The following DNAJC15 variants were observed in gnomAD, a reference collection of about 807,000 sequenced individuals.
The protein encoded by DNAJC15 is dnaJ homolog subfamily C member 15.
A neutral mutation model predicts 22.4 loss-of-function variants in DNAJC15; 27 were observed. The ratio of observed to expected loss-of-function variants is 1.20; its 90% CI spans 0.89 to 1.66. The LOEUF (loss-of-function observed/expected upper bound fraction) is 1.66, where lower values mean the gene tolerates loss of function less well. Ranked by LOEUF, DNAJC15 falls within the 40% of genes most tolerant of loss-of-function variation. DNAJC15 has a pLI of 0.00. For missense variants in DNAJC15, 208 were observed against 187.1 expected (o/e 1.11, Z -0.65); for synonymous variants, 79 against 63.2 (o/e 1.25, Z -1.19).
At chr13:43,083,002 G>A (rs2040670104) in intron 4 of DNAJC15, among the ~76,000 whole-genome samples, 1 of 151,776 alleles carries the variant, frequency 6.6e-6, no homozygotes. Context: ...GGTTTTTAAA[G>A]CTCCCCCTTT....
chr13:43,079,943 AACAC>A (rs1369578243), intron 4 of DNAJC15, among the ~76,000 whole-genome samples: 1 of 152,224 alleles, frequency 6.6e-6, no homozygotes, highest in African/African-American at 2.4e-5. Flanking sequence ...ATACCAGTTT[AACAC>A]CTATTAAATG....
At chr13:43,047,513 A>G (rs1290915311) in intron 1 of DNAJC15, among the ~76,000 whole-genome samples, 1 of 152,094 alleles carries the variant, frequency 6.6e-6, no homozygotes, top group African/African-American at 2.4e-5. Context: ...ACCAACATGG[A>G]ATGTCTGTGA....
At chr13:43,051,166 T>A (rs1204974250) in intron 1 of DNAJC15, among the ~76,000 whole-genome samples, 2 of 152,020 alleles carry the variant, frequency 1.3e-5, no homozygotes, top group Non-Finnish European at 2.9e-5. Flanking sequence ...GTATAAGCGA[T>A]GGGGTTTCAC....
At chr13:43,064,447 A>T (rs1227363147) in intron 1 of DNAJC15, among the ~76,000 whole-genome samples, 2 of 152,150 alleles carry the variant, frequency 1.3e-5, no homozygotes, top group Non-Finnish European at 2.9e-5. Flanking sequence ...GAAGAAGTCT[A>T]TTCATTCTGT....
In DNAJC15 at chr13:43,110,389, T is replaced by G. The variant is rs1005810272; in HGVS notation, c.*3141T>G. On this transcript the variant is annotated 3_prime_UTR_variant, in exon 6 of 6. Coordinates refer to ENST00000379221, the MANE Select transcript of DNAJC15 (RefSeq NM_013238.3). ...TAAGAATTACAGAGCCTGCCTCGAT[T>G]CAAAGGGAGAGGATAGAGAGGACTG... The G allele has an allele frequency of 1.3e-5, 2 of 152,196 alleles. No individual in the cohort carries two copies. The highest frequency in any genetic ancestry group is 4.8e-5 in the African/African-American group (2 of 41,432). 9.4% of individuals were successfully genotyped at this position (152,196 alleles called of 1,614,324 possible). A position where few individuals can be genotyped will look rare whatever the true frequency, so the allele number is the denominator to read the frequency against.
rs775309502 is a variant in DNAJC15 at position 43,078,628 on chromosome 13, A to G, written c.251A>G (p.Tyr84Cys). The G allele has an allele frequency of 1.7e-5, 27 of 1,613,396 alleles. No individual in the cohort carries two copies. Among genetic ancestry groups the G allele is most frequent in the Admixed American group, 5.0e-5 (3 of 60,000 alleles). ...CCTATACAGAGCTTTTCATCCTACT[A>G]TAAAGGAGGATTTGAACAGAAAATG... ...KISTPSFSSY[Y>C]KGGFEQKMSR... is the part of the protein sequence containing the mutation. The change falls in exon 4 of 6, where the codon TAT (tyrosine) becomes TGT (cysteine). Residue 84 changes from tyrosine (Y) to cysteine (C), a missense_variant. Physicochemically the swap from Tyr to Cys is radical, Grantham distance 194 (BLOSUM62 -2). Transcript: ENST00000379221.
chr13:43,037,173 C>T (rs535753694), intron 1 of DNAJC15, among the ~76,000 whole-genome samples: 84 of 152,336 alleles, frequency 5.5e-4, no homozygotes, highest in African/African-American at 2.0e-3. Context: ...CAGCCACTGC[C>T]TTAAAGTAAA....
chr13:43,038,575 G>A (rs1420561862), intron 1 of DNAJC15, among the ~76,000 whole-genome samples: 2 of 152,234 alleles, frequency 1.3e-5, no homozygotes, highest in Non-Finnish European at 1.5e-5. Context: ...GGCAGATCAC[G>A]AGGTCAGGAG....
chr13:43,110,861 T>G lies in DNAJC15; in HGVS notation c.*3613T>G, dbSNP rs934143654. 1.3e-5 allele frequency: 2 copies of G among 152,230 alleles called. No individual in the cohort carries two copies. The highest frequency in any genetic ancestry group is 4.8e-5 in the African/African-American group (2 of 41,456). The allele number at this position is 152,230 out of a possible 1,614,324, so 9.4% of individuals were successfully genotyped here. A position where few individuals can be genotyped will look rare whatever the true frequency, so the allele number is the denominator to read the frequency against. ...GCCACACCCTCCCCCCAACTCCTTATCTGTAAAAAGCTTATTTGAGTGGTT... is the reference window on the plus strand; with the variant it reads ...GCCACACCCTCCCCCCAACTCCTTAGCTGTAAAAAGCTTATTTGAGTGGTT... On this transcript the variant is annotated 3_prime_UTR_variant, in exon 6 of 6. Coordinates refer to ENST00000379221, the MANE Select transcript of DNAJC15 (RefSeq NM_013238.3).
chr13:43,092,803 A>G (rs2040721623), intron 5 of DNAJC15, among the ~76,000 whole-genome samples: 1 of 152,178 alleles, frequency 6.6e-6, no homozygotes, highest in Non-Finnish European at 1.5e-5. Context: ...TGTTCCAGCT[A>G]CTTGTGAAGC....
chr13:43,025,451 A>G (rs1002172131), intron 1 of DNAJC15, among the ~76,000 whole-genome samples: 1 of 152,216 alleles, frequency 6.6e-6, no homozygotes, highest in Non-Finnish European at 1.5e-5. Flanking sequence ...CTTGAAGGCT[A>G]AAGTGTAGGC....
At chr13:43,065,558 C>A in intron 1 of DNAJC15, 128 bp from the exon 2 acceptor site, 1 of 720,490 alleles carries the variant, frequency 1.4e-6, no homozygotes, top group Non-Finnish European at 2.3e-6. Flanking sequence ...TTTTTTAAGT[C>A]CTGATCTTCA....
intron 3 of DNAJC15, among the ~76,000 whole-genome samples, chr13:43,076,350 TAAG>T (rs2040633875): frequency 6.6e-6 from 1 of 152,226 alleles, no homozygotes; most frequent in Non-Finnish European, 1.5e-5. Context: ...AAATTTATAA[TAAG>T]CTGTTCAAAG....
At chr13:43,053,957 A>G (rs2040517765) in intron 1 of DNAJC15, among the ~76,000 whole-genome samples, 1 of 152,228 alleles carries the variant, frequency 6.6e-6, no homozygotes, top group Non-Finnish European at 1.5e-5. Flanking sequence ...TATGTTGAAT[A>G]GAAGTGGTGT....
intron 5 of DNAJC15, among the ~76,000 whole-genome samples, chr13:43,099,268 A>T (rs1433759385): frequency 6.6e-6 from 1 of 152,198 alleles, no homozygotes; most frequent in Admixed American, 6.5e-5. Flanking sequence ...CTTATTTATT[A>T]GGTCTAATAG....
At chr13:43,028,363 T>A (rs994986059) in intron 1 of DNAJC15, among the ~76,000 whole-genome samples, 2 of 152,194 alleles carry the variant, frequency 1.3e-5, no homozygotes, top group African/African-American at 4.8e-5. Flanking sequence ...CTTAGCCTCA[T>A]CTCTGTAATT....
chr13:43,086,934 A>G (rs925171099), intron 5 of DNAJC15, among the ~76,000 whole-genome samples: 19 of 152,176 alleles, frequency 1.2e-4, no homozygotes, highest in African/African-American at 4.1e-4. Flanking sequence ...GGTGTGAAAG[A>G]ATGGACTTCG....
At chr13:43,050,747 T>C (rs1009675606) in intron 1 of DNAJC15, among the ~76,000 whole-genome samples, 26 of 152,206 alleles carry the variant, frequency 1.7e-4, no homozygotes, top group African/African-American at 5.8e-4. Context: ...ACCCTTTCAA[T>C]AGAGAATTTT....
intron 1 of DNAJC15, among the ~76,000 whole-genome samples, chr13:43,053,313 G>A (rs56042550): frequency 0.015 from 2,213 of 152,322 alleles, 57 homozygotes; most frequent in African/African-American, 0.048. Context: ...TGGCTTTATA[G>A]TATAGTTTGA....
Sources: gnomAD v4.1 joint callset for allele counts (sites outside exome capture counted in the v4.1 genomes callset) on GRCh38, gnomAD v4.1.1 for gene constraint, MANE v1.5 for transcripts, NCBI Gene and HGNC (gene_info 2026-07-23, HGNC 2026-07-21) for gene names.